Variants in SH3PXD2B observed in about 807,000 individuals in gnomAD.
SH3PXD2B encodes the protein SH3 and PX domains 2B.
A neutral mutation model predicts 73.1 loss-of-function variants in SH3PXD2B; 37 were observed. The ratio of observed to expected loss-of-function variants is 0.51; its 90% CI spans 0.39 to 0.67. The LOEUF is 0.67. SH3PXD2B is among the 30% of genes least tolerant of loss of function. The probability of loss-of-function intolerance (pLI) is 0.00; values close to 1 mark genes in which losing one functional copy is unlikely to be tolerated. For missense variants in SH3PXD2B, 1,053 were observed against 1,197.8 expected, an observed-to-expected ratio of 0.88 and a Z score of 1.78; for synonymous variants, 457 against 480.5, an observed-to-expected ratio of 0.95 and a Z score of 0.64.
At chr5:172,410,433 C>T (rs1361520087) in intron 2 of SH3PXD2B, among the ~76,000 whole-genome samples, 1 of 152,182 alleles carries the variant, frequency 6.6e-6, no homozygotes, top group African/African-American at 2.4e-5. Flanking sequence ...CTGGAAAAGG[C>T]AGCCTTCTTT....
chr5:172,348,626 G>GTATC (rs1167085100), intron 10 of SH3PXD2B, among the ~76,000 whole-genome samples: 1 of 92,552 alleles, frequency 1.1e-5, no homozygotes, highest in African/African-American at 5.9e-5. Context: ...ATCTATCTAT[G>GTATC]TATCTATCTA....
At chr5:172,343,558 T>C (rs1170465975) in intron 12 of SH3PXD2B, among the ~76,000 whole-genome samples, 2 of 152,136 alleles carry the variant, frequency 1.3e-5, no homozygotes, top group Non-Finnish European at 2.9e-5. Context: ...TCCACCGCTT[T>C]GGGAGGCTTA....
chr5:172,404,046 C>T (rs1180985824), intron 3 of SH3PXD2B, among the ~76,000 whole-genome samples: 1 of 152,218 alleles, frequency 6.6e-6, no homozygotes, highest in African/African-American at 2.4e-5. Flanking sequence ...GCGGGGTTTT[C>T]TCCAGCAGGA....
intron 6 of SH3PXD2B, among the ~76,000 whole-genome samples, chr5:172,366,351 C>T (rs1757523169): frequency 6.6e-6 from 1 of 152,214 alleles, no homozygotes; most frequent in Non-Finnish European, 1.5e-5. Context: ...GCCCTCCATA[C>T]AGCAGCCAGA....
At chr5:172,449,693 C>G (rs913628563) in intron 1 of SH3PXD2B, among the ~76,000 whole-genome samples, 9 of 152,166 alleles carry the variant, frequency 5.9e-5, no homozygotes, top group African/African-American at 1.7e-4. Context: ...ATTGGATTGG[C>G]AAAGACTGAA....
At position 172,358,759 on chromosome 5, in the gene SH3PXD2B, G is replaced by A. The variant is rs886060424; in HGVS notation, c.667+14C>T. On this transcript the variant is annotated intron_variant, in intron 8 of 12. Coordinates refer to ENST00000311601, the MANE Select transcript of SH3PXD2B (RefSeq NM_001017995.3). ...GGTCCTCCCCAGTGAGCAGAGGCTC[G>A]AGCTCCTCCCTACCTTCTTCAGGCT... 3.1e-6 allele frequency: 5 copies of A among 1,604,896 alleles called. No individual in the cohort carries two copies. The highest frequency in any genetic ancestry group is 3.4e-5 in the Admixed American group (2 of 59,088).
chr5:172,434,634 C>T (rs80021889), intron 1 of SH3PXD2B, among the ~76,000 whole-genome samples: 5,823 of 152,258 alleles, frequency 0.038, 206 homozygotes, highest in South Asian at 0.2. Flanking sequence ...GTCTTACTTT[C>T]CTTTACAAAT....
At chr5:172,427,526 A>T (rs949556476) in intron 1 of SH3PXD2B, among the ~76,000 whole-genome samples, 3 of 151,872 alleles carry the variant, frequency 2.0e-5, no homozygotes, top group Non-Finnish European at 4.4e-5. Context: ...TATTATTATT[A>T]TTTTTTGTAG....
At position 172,336,674 on chromosome 5, in the gene SH3PXD2B, G is replaced by C; in HGVS notation, c.*1695C>G. On this transcript the variant is annotated 3_prime_UTR_variant, in exon 13 of 13. Coordinates refer to ENST00000311601, the MANE Select transcript of SH3PXD2B (RefSeq NM_001017995.3). The stretch of plus-strand genomic sequence containing the variant: ...CGCCTGATGAACACTGTGAACTGGA[G>C]ATCTCTGGGGCAGGGCAGGGTGGGG... The C allele has an allele frequency of 1.2e-6, 1 of 800,458 alleles. No individual in the cohort carries two copies. The highest frequency in any genetic ancestry group is 1.5e-6 in the Non-Finnish European group (1 of 670,308). The allele number at this position is 800,458 out of a possible 1,614,324, so 49.6% of individuals were successfully genotyped here.
chr5:172,332,383 A>T (rs1756575527), downstream of SH3PXD2B, among the ~76,000 whole-genome samples: 1 of 150,672 alleles, frequency 6.6e-6, no homozygotes, highest in Admixed American at 6.6e-5. Context: ...CCTCCCAAGT[A>T]GCTGGGCCTG....
chr5:172,326,006 C>T (rs999166909), intron 12 of SH3PXD2B, among the ~76,000 whole-genome samples: 3 of 152,192 alleles, frequency 2.0e-5, no homozygotes, highest in Admixed American at 6.5e-5. Flanking sequence ...AGGCTGGTCT[C>T]GAGCTCCCGA....
chr5:172,408,153 T>C (rs1038149180), intron 2 of SH3PXD2B, among the ~76,000 whole-genome samples: 2 of 152,162 alleles, frequency 1.3e-5, no homozygotes, highest in Non-Finnish European at 2.9e-5. Context: ...CTGTGGGTTT[T>C]TTTTTTTCCT....
At chr5:172,357,665 C>T (rs187259600) in intron 8 of SH3PXD2B, among the ~76,000 whole-genome samples, 1 of 152,112 alleles carries the variant, frequency 6.6e-6, no homozygotes, top group Non-Finnish European at 1.5e-5. Context: ...CATCACGACC[C>T]CTTAATCTGA....
intron 4 of SH3PXD2B, among the ~76,000 whole-genome samples, chr5:172,386,003 C>T (rs968743365): frequency 3.9e-5 from 6 of 152,206 alleles, no homozygotes; most frequent in East Asian, 3.8e-4. Flanking sequence ...TGTTCTGGAA[C>T]GGATCCTGGC....
At chr5:172,373,768 A>C (rs1488173560) in intron 6 of SH3PXD2B, 22 bp downstream of exon 6, 2 of 1,611,962 alleles carry the variant, frequency 1.2e-6, no homozygotes, top group Non-Finnish European at 1.7e-6. Context: ...AACGAAGAGA[A>C]GAAAATAGAA....
chr5:172,420,708 G>A (rs1198481843), intron 2 of SH3PXD2B, among the ~76,000 whole-genome samples: 2 of 152,206 alleles, frequency 1.3e-5, no homozygotes, highest in Non-Finnish European at 2.9e-5. Flanking sequence ...CATTGGCTGC[G>A]ACATTTCTCA....
At chr5:172,452,108 T>C (rs1310088319) in intron 1 of SH3PXD2B, among the ~76,000 whole-genome samples, 1 of 152,152 alleles carries the variant, frequency 6.6e-6, no homozygotes, top group Non-Finnish European at 1.5e-5. Context: ...CATTTAGGAA[T>C]GCCCTAAGGC....
Position 172,326,183 on chromosome 5 carries a change from C to T in SH3PXD2B, c.1189-803G>A, listed in dbSNP as rs115639974. Among the ~76,000 whole-genome samples, 558 of 152,288 alleles carry T rather than the reference C, an allele frequency of 3.7e-3. 5 individuals carry two copies. The highest frequency in any genetic ancestry group is 0.013 in the African/African-American group (530 of 41,564). On this transcript the variant is annotated intron_variant, in intron 12 of 12. Transcript: ENST00000519643. Reference sequence around the variant, plus strand: ...TTGAACCATAGCGGCCTGGTTACTCCGCTGAGGATAGTAACTAACATGCAC... The same window carrying T: ...TTGAACCATAGCGGCCTGGTTACTCTGCTGAGGATAGTAACTAACATGCAC...
At chr5:172,450,327 G>A (rs1203046456) in intron 1 of SH3PXD2B, among the ~76,000 whole-genome samples, 7 of 152,060 alleles carry the variant, frequency 4.6e-5, no homozygotes, top group Non-Finnish European at 8.8e-5. Flanking sequence ...GGGCAGCATC[G>A]GGGAGGGCGT....
Sources: gnomAD v4.1 joint callset for allele counts (sites outside exome capture counted in the v4.1 genomes callset) on GRCh38, gnomAD v4.1.1 for gene constraint, MANE v1.5 for transcripts, NCBI Gene and HGNC (gene_info 2026-07-23, HGNC 2026-07-21) for gene names.